RHEX: variants seen among roughly 807,000 people sequenced by gnomAD.
RHEX encodes regulator of hemoglobinization and erythroid cell expansion.
RHEX carries 18 observed loss-of-function variants against 20.1 expected under a neutral mutation model. That is an observed-to-expected ratio of 0.90 (90% CI 0.62 to 1.33). RHEX has a LOEUF of 1.33. RHEX is among the 40% of genes most tolerant of loss of function. The probability of loss-of-function intolerance (pLI) is 0.00; values close to 1 mark genes in which losing one functional copy is unlikely to be tolerated. For missense variants in RHEX, 192 were observed against 214.3 expected, an observed-to-expected ratio of 0.90 and a Z score of 0.65; for synonymous variants, 87 against 77.1, an observed-to-expected ratio of 1.13 and a Z score of -0.67.
At chr1:206,062,427 T>C (rs1208280387) in intron 1 of RHEX, among the ~76,000 whole-genome samples, 2 of 152,134 alleles carry the variant, frequency 1.3e-5, no homozygotes, top group East Asian at 1.9e-4. Context: ...CTCCTGCCCC[T>C]CCTGAGGCAA....
rs542735893 is a variant in RHEX, at chr1:206,063,541, G to A, written c.-97+10276G>A. 7.2e-5 allele frequency among the ~76,000 whole-genome samples: 11 copies of A among 152,364 alleles called. No individual in the cohort carries two copies. In the East Asian group the frequency reaches 9.6e-4, roughly 13 times the overall value. ...GGAGTGCCTGCAATTGCAGGCGCGCGCCGCCACGCCTGACTGGTTTTCCTA... is the reference window on the plus strand; with the variant it reads ...GGAGTGCCTGCAATTGCAGGCGCGCACCGCCACGCCTGACTGGTTTTCCTA... On this transcript the variant is annotated intron_variant, in intron 1 of 5. Transcript: ENST00000331555.
chr1:206,055,853 C>T (rs1662183345), intron 1 of RHEX, among the ~76,000 whole-genome samples: 1 of 152,278 alleles, frequency 6.6e-6, no homozygotes, highest in Non-Finnish European at 1.5e-5. Flanking sequence ...AGGCCAGTGG[C>T]CTATCTCTCA....
intron 1 of RHEX, among the ~76,000 whole-genome samples, chr1:206,094,477 C>T (rs1663027678): frequency 6.6e-6 from 1 of 152,102 alleles, no homozygotes; most frequent in Non-Finnish European, 1.5e-5. Context: ...TTACTGAGTG[C>T]CTCGTATATG....
Position 206,093,058 on chromosome 1 carries a change from T to C in RHEX, c.-96-4675T>C, listed in dbSNP as rs555024608. Among the ~76,000 whole-genome samples the C allele has an allele frequency of 2.6e-4, 40 of 152,256 alleles. No individual in the cohort carries two copies. The South Asian group carries it at 2.9e-3, about 11-fold the overall frequency. On this transcript the variant is annotated intron_variant, in intron 1 of 5. Transcript: ENST00000331555. Reference sequence around the variant, plus strand: ...TGTCCAAAGTCACACCGTTAGCAAGTGACAGAGCCAGGAGAAGGCAGGCCC... The same window carrying C: ...TGTCCAAAGTCACACCGTTAGCAAGCGACAGAGCCAGGAGAAGGCAGGCCC...
intron 3 of RHEX, among the ~76,000 whole-genome samples, chr1:206,099,187 G>A (rs1172171191): frequency 2.0e-5 from 3 of 152,164 alleles, no homozygotes; most frequent in Admixed American, 6.5e-5. Context: ...CAAGTGAGGC[G>A]TGGAACCATG....
chr1:206,055,377 G>A (rs1164417078), intron 1 of RHEX, among the ~76,000 whole-genome samples: 1 of 152,214 alleles, frequency 6.6e-6, no homozygotes, highest in Admixed American at 6.5e-5. Context: ...GTATTGTCGT[G>A]GACCTTTATT....
intron 1 of RHEX, among the ~76,000 whole-genome samples, chr1:206,058,537 G>A (rs1225377894): frequency 2.0e-5 from 3 of 152,366 alleles, no homozygotes; most frequent in East Asian, 1.9e-4. Context: ...GCAGCCCAGC[G>A]CCAGGCCCAA....
chr1:206,077,951 A>G lies in RHEX; in HGVS notation c.-96-19782A>G, dbSNP rs183594077. On this transcript the variant is annotated intron_variant, in intron 1 of 5. Coordinates refer to ENST00000331555, the MANE Select transcript of RHEX (RefSeq NM_001007544.4). ...TGAATGATGGTGATGCCAAATAGCC[A>G]GATTGTCCACATGGGTGCTGAGATA... 1.8e-3 allele frequency among the ~76,000 whole-genome samples: 281 copies of G among 152,352 alleles called. 3 individuals are homozygous for G. Among genetic ancestry groups the G allele is most frequent in the Non-Finnish European group, 2.0e-3 (138 of 68,034 alleles).
chr1:206,100,800 T>C (rs1430553737), intron 4 of RHEX, among the ~76,000 whole-genome samples: 8 of 152,228 alleles, frequency 5.3e-5, no homozygotes, highest in African/African-American at 1.9e-4. Flanking sequence ...TCCTGACTTT[T>C]CTTTCTGGAA....
Position 206,099,801 on chromosome 1 carries a change from G to T in RHEX, c.256+3G>T, listed in dbSNP as rs1663151806. 4 of 1,613,712 alleles carry T rather than the reference G, an allele frequency of 2.5e-6. No individual in the cohort carries two copies. Among genetic ancestry groups the T allele is most frequent in the Middle Eastern group, 1.6e-4 (1 of 6,062 alleles). On this transcript the variant is annotated splice_donor_region_variant and intron_variant, in intron 4 of 5. Coordinates refer to ENST00000331555, the MANE Select transcript of RHEX (RefSeq NM_001007544.4). ...AATGTCTGATTCCCTTTACAGGCGT[G>T]AGTAAGGGGTTGGAGGGAGAACTTG...
chr1:206,081,956 C>T (rs575879248), intron 1 of RHEX, among the ~76,000 whole-genome samples: 63 of 152,252 alleles, frequency 4.1e-4, no homozygotes, highest in Middle Eastern at 3.4e-3. Context: ...AGGAGCAGAG[C>T]GAAGTGTGTA....
chr1:206,098,163 C>T lies in RHEX; in HGVS notation c.94C>T (p.Leu32=). ...QACFLTAINY[L]LSRHMAHKSE... is the part of the protein sequence containing the mutation. The stretch of plus-strand genomic sequence containing the variant: ...CTGCTTCCTCACCGCCATCAACTAC[C>T]TGCTCAGCAGGCACATGGGTAACTG... Residue 32 remains leucine, a synonymous_variant, in exon 3 of 6, where the codon CTG becomes TTG. Transcript: ENST00000331555. 5.6e-6 allele frequency: 9 copies of T among 1,613,284 alleles called. No individual in the cohort carries two copies. Among genetic ancestry groups the T allele is most frequent in the Non-Finnish European group, 7.6e-6 (9 of 1,179,218 alleles).
chr1:206,061,420 T>G (rs1242825759), intron 1 of RHEX: 8 of 152,196 alleles, frequency 5.3e-5, no homozygotes, highest in Admixed American at 4.6e-4. Flanking sequence ...TCCAGTCGCA[T>G]GTAGAGAGGG....
At chr1:206,069,041 C>G (rs1553284429) in intron 1 of RHEX, among the ~76,000 whole-genome samples, 2 of 152,194 alleles carry the variant, frequency 1.3e-5, no homozygotes, top group African/African-American at 4.8e-5. Context: ...CCAAGATGCC[C>G]TTTCTGGTTG....
At chr1:206,069,758 C>T (rs1433100077) in intron 1 of RHEX, among the ~76,000 whole-genome samples, 2 of 151,832 alleles carry the variant, frequency 1.3e-5, no homozygotes, top group South Asian at 4.1e-4. Flanking sequence ...TCATTGAGTA[C>T]GGATTCTTCC....
intron 1 of RHEX, among the ~76,000 whole-genome samples, chr1:206,063,541 GCC>G (rs1362831170): frequency 6.6e-6 from 1 of 152,246 alleles, no homozygotes; most frequent in Non-Finnish European, 1.5e-5. Context: ...GCAGGCGCGC[GCC>G]GCCACGCCTG....
At chr1:206,069,038 GC>G (rs1662481396) in intron 1 of RHEX, among the ~76,000 whole-genome samples, 1 of 152,208 alleles carries the variant, frequency 6.6e-6, no homozygotes, top group African/African-American at 2.4e-5. Context: ...AAGCCAAGAT[GC>G]CCTTTCTGGT....
At chr1:206,081,661 C>T (rs1170784513) in intron 1 of RHEX, among the ~76,000 whole-genome samples, 3 of 152,178 alleles carry the variant, frequency 2.0e-5, no homozygotes, top group African/African-American at 7.2e-5. Flanking sequence ...CATCATTGTC[C>T]TTAATCAACT....
chr1:206,058,386 G>C (rs1288493845), intron 1 of RHEX, among the ~76,000 whole-genome samples: 3 of 152,250 alleles, frequency 2.0e-5, no homozygotes, highest in Non-Finnish European at 4.4e-5. Flanking sequence ...AAATAAGAGT[G>C]AGAACTCCCA....
Sources: allele counts gnomAD v4.1 joint callset (sites outside exome capture counted in the v4.1 genomes callset), GRCh38; gene constraint gnomAD v4.1.1; transcripts MANE v1.5; gene names NCBI Gene and HGNC (gene_info 2026-07-23, HGNC 2026-07-21).